Variants in LEF1 observed in about 807,000 individuals in gnomAD.
LEF1 encodes lymphoid enhancer binding factor 1.
A neutral mutation model predicts 51.2 loss-of-function variants in LEF1; 14 were observed. The ratio of observed to expected loss-of-function variants is 0.27; its 90% CI spans 0.18 to 0.43. The LOEUF (loss-of-function observed/expected upper bound fraction) is 0.43. LEF1 is among the 20% of genes least tolerant of loss of function. The pLI is 1.00. For missense variants in LEF1, 386 were observed against 512.0 expected (o/e 0.75, Z 2.37); for synonymous variants, 185 against 183.2 (o/e 1.01, Z -0.08).
chr4:108,094,956 A>G (rs1740286272), intron 3 of LEF1, among the ~76,000 whole-genome samples: 1 of 152,256 alleles, frequency 6.6e-6, no homozygotes, highest in Non-Finnish European at 1.5e-5. Context: ...CCAGAAAGAG[A>G]GGCAGATTTA....
intron 6 of LEF1, among the ~76,000 whole-genome samples, chr4:108,080,271 C>A (rs941603712): frequency 1.1e-4 from 17 of 152,124 alleles, no homozygotes; most frequent in African/African-American, 4.1e-4. Flanking sequence ...CTTAAAATAT[C>A]CACCACCAGC....
chr4:108,060,433 A>G (rs1737599100), intron 11 of LEF1, among the ~76,000 whole-genome samples: 1 of 152,186 alleles, frequency 6.6e-6, no homozygotes, highest in South Asian at 2.1e-4. Context: ...TCCTTCACTT[A>G]TACTGAGAAA....
intron 3 of LEF1, among the ~76,000 whole-genome samples, chr4:108,118,225 A>ATAATAATAAGCTCATTAAT (rs1741954381): frequency 6.6e-6 from 1 of 152,244 alleles, no homozygotes; most frequent in Non-Finnish European, 1.5e-5. Context: ...TTGTTTTCTA[A>ATAATAATAAGCTCATTAAT]AAGATGAGCT....
chr4:108,075,265 A>G (rs1738775863), intron 8 of LEF1: 1 of 152,216 alleles, frequency 6.6e-6, no homozygotes, highest in South Asian at 2.1e-4. Flanking sequence ...AGGCTATCCA[A>G]TGGGAATCGA....
chr4:108,165,174 G>A lies in LEF1; in HGVS notation c.214-11C>T. 1 of 1,613,272 alleles carries A rather than the reference G, an allele frequency of 6.2e-7. No homozygotes were observed. The highest frequency in any genetic ancestry group is 2.2e-5 in the East Asian group (1 of 44,882). On this transcript the variant is annotated splice_polypyrimidine_tract_variant and intron_variant, in intron 1 of 11. Transcript: ENST00000265165. ...TGCTTGTCTGGCCACCTAACATCAT[G>A]AATCCCCACACCCAAAAGAAAGAAA...
chr4:108,163,491 G>T, intron 3 of LEF1, 77 bp downstream of exon 3: 1 of 1,508,002 alleles, frequency 6.6e-7, no homozygotes, highest in Non-Finnish European at 9.1e-7. Flanking sequence ...AATGAGTTTG[G>T]AAAAATAAAC....
intron 3 of LEF1, among the ~76,000 whole-genome samples, chr4:108,119,974 A>G (rs1270814051): frequency 1.3e-5 from 2 of 149,106 alleles, no homozygotes; most frequent in African/African-American, 2.5e-5. Flanking sequence ...TTGTACCATT[A>G]TATGTGTATA....
chr4:108,167,728 C>A lies in LEF1; in HGVS notation c.40G>T (p.Asp14Tyr). Residue 14 changes from aspartate (D) to tyrosine (Y), a missense_variant, in exon 1 of 12, where the codon GAC (aspartate) becomes TAC (tyrosine). Physicochemically the swap from Asp to Tyr is radical, Grantham distance 160 (BLOSUM62 -3). Coordinates refer to ENST00000265165, the MANE Select transcript of LEF1 (RefSeq NM_016269.5). The surrounding 1 kb of genome is among the most constrained non-coding windows in gnomAD (Gnocchi z 5.7). ...LSGGGGGGGG[D>Y]PELCATDEMI... ...TCGTCCGTGGCGCAGAGTTCCGGGTCCCCCCCGCCGCCGCCACCTCCTCCG... is the reference window on the plus strand; with the variant it reads ...TCGTCCGTGGCGCAGAGTTCCGGGTACCCCCCGCCGCCGCCACCTCCTCCG... 6.2e-7 allele frequency: 1 copy of A among 1,613,240 alleles called. No individual in the cohort carries two copies. Among genetic ancestry groups the A allele is most frequent in the Non-Finnish European group, 8.5e-7 (1 of 1,179,884 alleles).
rs1739324387 is a variant in LEF1, at chr4:108,081,781, G to GT, written c.639-113dup. ...GATATTCAAACAGAATCTTGTGGAA[G>GT]TATTACAGACCCCGGGATTGTTTCA... On this transcript the variant is annotated intron_variant, in intron 5 of 11. Transcript: ENST00000265165. The GT allele has an allele frequency of 2.7e-6, 2 of 746,798 alleles. 1 individual carries two copies. Among genetic ancestry groups the GT allele is most frequent in the South Asian group, 3.2e-5 (2 of 61,622 alleles). 46.3% of individuals were successfully genotyped at this position (746,798 alleles called of 1,614,324 possible). A position where few individuals can be genotyped will look rare whatever the true frequency, so the allele number is the denominator to read the frequency against.
intron 3 of LEF1, among the ~76,000 whole-genome samples, chr4:108,131,479 C>CA (rs1197371999): frequency 1.3e-5 from 2 of 151,624 alleles, no homozygotes; most frequent in Non-Finnish European, 2.9e-5. Context: ...ACCACAAAAA[C>CA]ACACTTCCAT....
intron 3 of LEF1, among the ~76,000 whole-genome samples, chr4:108,155,467 C>CCTT (rs1253698320): frequency 6.6e-6 from 1 of 152,162 alleles, no homozygotes. Flanking sequence ...TTGTGTAAGG[C>CCTT]CTTCACCCAG....
intron 8 of LEF1, 42 bp downstream of exon 8, chr4:108,078,178 C>T (rs1183137145): frequency 2.5e-6 from 4 of 1,595,082 alleles, no homozygotes; most frequent in Non-Finnish European, 3.4e-6. Flanking sequence ...TGAAGCAGTT[C>T]CATGGCTACC....
intron 3 of LEF1, among the ~76,000 whole-genome samples, chr4:108,118,898 G>A (rs1452680144): frequency 6.6e-6 from 1 of 151,076 alleles, no homozygotes; most frequent in East Asian, 1.9e-4. Flanking sequence ...ATCTATTCTT[G>A]AGCTTCTTTT....
intron 1 of LEF1, among the ~76,000 whole-genome samples, chr4:108,166,981 G>A (rs1438988098): frequency 6.6e-6 from 1 of 151,950 alleles, no homozygotes; most frequent in African/African-American, 2.4e-5. Context: ...GCGCCCCATC[G>A]GCCGGCCTGC....
At chr4:108,056,451 A>G (rs1737307124) in intron 11 of LEF1, among the ~76,000 whole-genome samples, 1 of 152,196 alleles carries the variant, frequency 6.6e-6, no homozygotes, top group African/African-American at 2.4e-5. Flanking sequence ...GGCACTTGCC[A>G]TCAAAAGGCT....
intron 8 of LEF1, among the ~76,000 whole-genome samples, chr4:108,075,207 T>C (rs1173973581): frequency 6.6e-6 from 1 of 152,060 alleles, no homozygotes; most frequent in Non-Finnish European, 1.5e-5. Flanking sequence ...CACCACATCC[T>C]CCCCTGGAAA....
chr4:108,098,923 C>G (rs1207589877), intron 3 of LEF1, among the ~76,000 whole-genome samples: 1 of 152,144 alleles, frequency 6.6e-6, no homozygotes. Context: ...GATATTTACA[C>G]TGTAAGATCA....
chr4:108,062,194 C>T (rs1408307271), intron 11 of LEF1, among the ~76,000 whole-genome samples: 1 of 152,128 alleles, frequency 6.6e-6, no homozygotes, highest in African/African-American at 2.4e-5. Context: ...TATTTGGTAC[C>T]AAAATCTCTG....
intron 3 of LEF1, among the ~76,000 whole-genome samples, chr4:108,146,562 G>A (rs902216784): frequency 7.2e-5 from 11 of 152,278 alleles, no homozygotes; most frequent in South Asian, 6.2e-4. Flanking sequence ...AAGCACTGAC[G>A]TAAATTCTGA....
Sources: allele counts gnomAD v4.1 joint callset (sites outside exome capture counted in the v4.1 genomes callset), GRCh38; gene constraint gnomAD v4.1.1; non-coding constraint Gnocchi (gnomAD v3.1); transcripts MANE v1.5; gene names NCBI Gene and HGNC (gene_info 2026-07-23, HGNC 2026-07-21).